Variants in DSG1 observed in about 807,000 individuals in gnomAD.
DSG1 encodes desmoglein-1.
A neutral mutation model predicts 97.5 loss-of-function variants in DSG1; 39 were observed. That is an observed-to-expected ratio of 0.40 (90% CI 0.31 to 0.52). The LOEUF is 0.52. Ranked by LOEUF, DSG1 falls within the 20% of genes least tolerant of loss-of-function variation. The pLI is 0.53. For synonymous variants in DSG1, 475 were observed against 443.4 expected, an observed-to-expected ratio of 1.07 and a Z score of -0.90; for missense variants, 1,311 against 1,295.4, an observed-to-expected ratio of 1.01 and a Z score of -0.18.
At position 31,356,108 on chromosome 18, in the gene DSG1, C is replaced by T. The variant is rs1390719616; in HGVS notation, c.*762C>T. On this transcript the variant is annotated 3_prime_UTR_variant, in exon 15 of 15. Coordinates refer to ENST00000257192, the MANE Select transcript of DSG1 (RefSeq NM_001942.4). ...ATGTAGTCTTGACGAATATTGCTTA[C>T]TGGTGAGGTTGAGGAATATCACACT... 2 of 152,194 alleles carry T rather than the reference C, an allele frequency of 1.3e-5. No homozygotes were observed. The highest frequency in any genetic ancestry group is 4.8e-5 in the African/African-American group (2 of 41,434). 9.4% of individuals were successfully genotyped at this position (152,194 alleles called of 1,614,324 possible).
chr18:31,353,843 C>T (rs569633924), intron 14 of DSG1: 57 of 214,878 alleles, frequency 2.7e-4, no homozygotes, highest in East Asian at 1.3e-3. Context: ...GCACAGTGGA[C>T]GCACCCACTG....
At chr18:31,349,404 C>T (rs1001716430) in intron 14 of DSG1, among the ~76,000 whole-genome samples, 6 of 150,822 alleles carry the variant, frequency 4.0e-5, no homozygotes, top group African/African-American at 1.5e-4. Context: ...TAGTGTGATG[C>T]CTCCAGCTTT....
At chr18:31,318,413 G>C in intron 1 of DSG1, 65 bp downstream of exon 1, 1 of 1,302,544 alleles carries the variant, frequency 7.7e-7, no homozygotes, top group Non-Finnish European at 1.1e-6. Flanking sequence ...AAACTTTTTA[G>C]AAAATGTTAG....
At chr18:31,344,027 A>C in intron 13 of DSG1, 32 bp downstream of exon 13, 1 of 1,420,008 alleles carries the variant, frequency 7.0e-7, no homozygotes, top group Non-Finnish European at 1.0e-6. Context: ...AACATCTCAA[A>C]TGCTTAAGTA....
At chr18:31,334,226 T>C (rs1008765882) in intron 8 of DSG1, 24 bp downstream of exon 8, 1 of 1,475,488 alleles carries the variant, frequency 6.8e-7, no homozygotes, top group Non-Finnish European at 9.4e-7. Context: ...ATCCTAAATA[T>C]TTTGTTTTCT....
At chr18:31,333,233 G>A (rs1016119842) in intron 6 of DSG1, among the ~76,000 whole-genome samples, 13 of 152,052 alleles carry the variant, frequency 8.5e-5, no homozygotes, top group African/African-American at 3.1e-4. Context: ...TGCACACTCG[G>A]GGGCTGATTA....
chr18:31,337,582 G>A (rs1234795928), intron 9 of DSG1, among the ~76,000 whole-genome samples: 1 of 152,060 alleles, frequency 6.6e-6, no homozygotes, highest in Admixed American at 6.5e-5. Context: ...TTCTTTCTTG[G>A]TGTTCTCCTC....
intron 11 of DSG1, among the ~76,000 whole-genome samples, chr18:31,340,388 C>T (rs113322642): frequency 0.01 from 1,565 of 151,758 alleles, 37 homozygotes; most frequent in African/African-American, 0.036. Context: ...TGGCAGATCA[C>T]TTGAGGTCAG....
intron 14 of DSG1, among the ~76,000 whole-genome samples, chr18:31,350,463 C>T (rs1398538492): frequency 6.8e-6 from 1 of 148,000 alleles, no homozygotes; most frequent in East Asian, 2.0e-4. Flanking sequence ...GCTTTGGTAT[C>T]AGAATGATGC....
chr18:31,350,905 C>T (rs2071890238), intron 14 of DSG1, among the ~76,000 whole-genome samples: 1 of 150,590 alleles, frequency 6.6e-6, no homozygotes, highest in South Asian at 2.1e-4. Context: ...TTTGTTGACC[C>T]TTTCAAAAAA....
intron 4 of DSG1, 112 bp downstream of exon 4, chr18:31,328,456 G>A (rs1309637974): frequency 2.6e-6 from 3 of 1,145,216 alleles, no homozygotes; most frequent in Non-Finnish European, 3.8e-6. Flanking sequence ...TGGCATTTTT[G>A]GTTGTTTCTT....
chr18:31,331,856 C>T lies in DSG1; in HGVS notation c.673C>T (p.Leu225=), dbSNP rs2071723276. 2 of 1,611,840 alleles carry T rather than the reference C, an allele frequency of 1.2e-6. No homozygotes were observed. The highest frequency in any genetic ancestry group is 1.7e-6 in the Non-Finnish European group (2 of 1,178,704). Residue 225 remains leucine, a synonymous_variant, in exon 6 of 15, where the codon CTA becomes TTA. Coordinates refer to ENST00000257192, the MANE Select transcript of DSG1 (RefSeq NM_001942.4). ...TGEIRTMNNF[L]DREQYGQYAL... Reference sequence around the variant, plus strand: ...AGAAATTCGAACGATGAATAATTTTCTAGACAGAGAGGTAATTCTTTTTCT... The same window carrying T: ...AGAAATTCGAACGATGAATAATTTTTTAGACAGAGAGGTAATTCTTTTTCT...
At chr18:31,325,863 C>T (rs74373716) in intron 1 of DSG1, among the ~76,000 whole-genome samples, 8,532 of 152,130 alleles carry the variant, frequency 0.056, 372 homozygotes, top group South Asian at 0.13. Context: ...ATCCAAGACT[C>T]AATTTCCTCA....
intron 5 of DSG1, among the ~76,000 whole-genome samples, chr18:31,331,165 G>A (rs2071718631): frequency 6.6e-6 from 1 of 152,102 alleles, no homozygotes; most frequent in Non-Finnish European, 1.5e-5. Context: ...CTTGACGAAG[G>A]ATCACCCAAA....
At position 31,326,816 on chromosome 18, in the gene DSG1, G is replaced by A. The variant is rs2071688378; in HGVS notation, c.85-58G>A. The A allele has an allele frequency of 2.5e-6, 4 of 1,582,648 alleles. No individual in the cohort carries two copies. In the South Asian group the frequency reaches 3.3e-5, roughly 13 times the overall value. On this transcript the variant is annotated intron_variant, in intron 2 of 14. Coordinates refer to ENST00000257192, the MANE Select transcript of DSG1 (RefSeq NM_001942.4). The stretch of plus-strand genomic sequence containing the variant: ...ATAACCTCTTCCAAAAATCTCAGTG[G>A]AATTTGAATTACGAATTCAAATTAA...
At chr18:31,352,132 G>A (rs1317603534) in intron 14 of DSG1, among the ~76,000 whole-genome samples, 6 of 151,964 alleles carry the variant, frequency 3.9e-5, no homozygotes, top group Non-Finnish European at 8.8e-5. Context: ...CATGTTTAGT[G>A]CTTCCTTCAG....
In DSG1 at chr18:31,357,030, G is replaced by A. The variant is rs776028840; in HGVS notation, c.*1684G>A. The A allele has an allele frequency of 1.3e-5, 2 of 152,032 alleles. No homozygotes were observed. The highest frequency in any genetic ancestry group is 2.9e-5 in the Non-Finnish European group (2 of 67,958). 9.4% of individuals were successfully genotyped at this position (152,032 alleles called of 1,614,324 possible). A position where few individuals can be genotyped will look rare whatever the true frequency, so the allele number is the denominator to read the frequency against. ...AAATTAGAAAAAAATTTGCCCTGGAGTTGTGAATTATATACAACTTTTAAA... is the reference window on the plus strand; with the variant it reads ...AAATTAGAAAAAAATTTGCCCTGGAATTGTGAATTATATACAACTTTTAAA... On this transcript the variant is annotated 3_prime_UTR_variant, in exon 15 of 15. Transcript: ENST00000257192.
intron 3 of DSG1, 91 bp downstream of exon 3, chr18:31,327,096 C>T: frequency 2.0e-6 from 3 of 1,495,696 alleles, no homozygotes; most frequent in Non-Finnish European, 2.8e-6. Flanking sequence ...GAACATGTCT[C>T]ACCGAGAAGC....
chr18:31,354,664 C>T lies in DSG1; in HGVS notation c.2468C>T (p.Pro823Leu), dbSNP rs1466457930. ...CCCTCGGGACCTGGTGTACTGCATC[C>T]TAAGCCTATTCTCGATCCTCTGGGC... Reference protein sequence around the residue: ...TYPSGPGVLHPKPILDPLGYG... With the variant: ...TYPSGPGVLHLKPILDPLGYG... Residue 823 changes from proline to leucine, a missense_variant, in exon 15 of 15, where the codon CCT becomes CTT. Pro to Leu is a moderately conservative substitution (Grantham distance 98). Coordinates refer to ENST00000257192, the MANE Select transcript of DSG1 (RefSeq NM_001942.4). 6.2e-7 allele frequency: 1 copy of T among 1,614,156 alleles called. No homozygotes were observed. Among genetic ancestry groups the T allele is most frequent in the East Asian group, 2.2e-5 (1 of 44,870 alleles).
Sources: allele counts gnomAD v4.1 joint callset (sites outside exome capture counted in the v4.1 genomes callset), GRCh38; gene constraint gnomAD v4.1.1; transcripts MANE v1.5; gene names NCBI Gene and HGNC (gene_info 2026-07-23, HGNC 2026-07-21).